The following CRB1 variants were observed in gnomAD, a reference collection of about 807,000 sequenced individuals.
CRB1 encodes protein crumbs homolog 1.
A neutral mutation model predicts 120.0 loss-of-function variants in CRB1; 83 were observed. The ratio of observed to expected loss-of-function variants is 0.69; its 90% CI spans 0.58 to 0.83. The LOEUF is 0.83. CRB1 is among the 40% of genes least tolerant of loss of function. The pLI is 0.00. For missense variants in CRB1, 1,699 were observed against 1,687.6 expected (o/e 1.01, Z -0.12); for synonymous variants, 625 against 612.5 (o/e 1.02, Z -0.30).
At chr1:197,427,406 T>G (rs754259147) in intron 6 of CRB1, 48 bp from the exon 7 acceptor site, 12 of 1,572,948 alleles carry the variant, frequency 7.6e-6, no homozygotes, top group Non-Finnish European at 9.6e-6. Context: ...TTTTGAGCCT[T>G]AAGATGTTTC....
At chr1:197,315,828 G>T (rs985893181) in intron 1 of CRB1, among the ~76,000 whole-genome samples, 3 of 152,138 alleles carry the variant, frequency 2.0e-5, no homozygotes, top group African/African-American at 7.2e-5. Flanking sequence ...CCTGAAAATG[G>T]CCAACACTTA....
chr1:197,202,382 C>T, the CRB1 span, among the ~76,000 whole-genome samples: 1 of 152,140 alleles, frequency 6.6e-6, no homozygotes, highest in African/African-American at 2.4e-5. Flanking sequence ...ACCTGTGAGA[C>T]TCATCCCACA....
the CRB1 span, among the ~76,000 whole-genome samples, chr1:197,216,341 C>A: frequency 6.6e-6 from 1 of 152,136 alleles, no homozygotes; most frequent in Non-Finnish European, 1.5e-5. Context: ...GGACAGAAGA[C>A]ATATTAATTC....
At chr1:197,401,125 T>C (rs2125432862) in intron 5 of CRB1, among the ~76,000 whole-genome samples, 1 of 152,290 alleles carries the variant, frequency 6.6e-6, no homozygotes, top group South Asian at 2.1e-4. Flanking sequence ...TTTAAGCATA[T>C]ATATAGCTAT....
intron 9 of CRB1, among the ~76,000 whole-genome samples, chr1:197,436,343 T>C (rs1489016390): frequency 6.6e-6 from 1 of 152,070 alleles, no homozygotes; most frequent in African/African-American, 2.4e-5. Flanking sequence ...ATTGTCTTCA[T>C]GTTGATTAGG....
intron 5 of CRB1, among the ~76,000 whole-genome samples, chr1:197,420,650 T>C (rs1166077839): frequency 1.3e-5 from 2 of 152,210 alleles, no homozygotes; most frequent in African/African-American, 2.4e-5. Context: ...ATAAATAAAT[T>C]GTATCTTACA....
At chr1:197,414,442 T>A (rs1571506069) in intron 5 of CRB1, among the ~76,000 whole-genome samples, 1 of 152,252 alleles carries the variant, frequency 6.6e-6, no homozygotes, top group South Asian at 2.1e-4. Flanking sequence ...TGATTTATTC[T>A]CAAGGAAATA....
chr1:197,450,141 T>C (rs1168564209), intron 11 of CRB1, among the ~76,000 whole-genome samples: 1 of 152,230 alleles, frequency 6.6e-6, no homozygotes, highest in Non-Finnish European at 1.5e-5. Flanking sequence ...TTTTTTGCTA[T>C]TCCATCTGGA....
At chr1:197,454,183 T>C (rs553866619) in intron 11 of CRB1, among the ~76,000 whole-genome samples, 259 of 151,636 alleles carry the variant, frequency 1.7e-3, no homozygotes, top group Non-Finnish European at 3.0e-3. Context: ...GTACAACAAT[T>C]GTGCCTACAG....
intron 1 of CRB1, among the ~76,000 whole-genome samples, chr1:197,297,143 T>C (rs1419439484): frequency 1.3e-5 from 2 of 151,828 alleles, no homozygotes; most frequent in Non-Finnish European, 2.9e-5. Flanking sequence ...CTGAATCTTG[T>C]GGCATGGGTC....
rs143740139 is a variant in CRB1 at position 197,304,562 on chromosome 1, G to A, written c.71-23860G>A. ...AGCCTTCATCCCACCCTCCACCTATGTGGTTTTCTATATTGTAGATTCTGG... is the reference window on the plus strand; with the variant it reads ...AGCCTTCATCCCACCCTCCACCTATATGGTTTTCTATATTGTAGATTCTGG... On this transcript the variant is annotated intron_variant, in intron 1 of 11. Coordinates refer to ENST00000367400, the MANE Select transcript of CRB1 (RefSeq NM_201253.3). 8.3e-3 allele frequency: 1,418 copies of A among 171,844 alleles called. 13 individuals carry two copies. The highest frequency in any genetic ancestry group is 0.012 in the Middle Eastern group (4 of 330). The allele number at this position is 171,844 out of a possible 1,614,324, so 10.6% of individuals were successfully genotyped here. A position where few individuals can be genotyped will look rare whatever the true frequency, so the allele number is the denominator to read the frequency against.
At chr1:197,254,502 C>T in the CRB1 span, among the ~76,000 whole-genome samples, 5 of 151,938 alleles carry the variant, frequency 3.3e-5, no homozygotes, top group East Asian at 3.9e-4. Context: ...TTTTTCATAT[C>T]GTCTCTCTTA....
At chr1:197,352,228 T>C (rs926827949) in intron 4 of CRB1, among the ~76,000 whole-genome samples, 5 of 152,380 alleles carry the variant, frequency 3.3e-5, no homozygotes, top group African/African-American at 9.6e-5. Context: ...CAGTCTTGAC[T>C]GAAGGAGTCT....
At chr1:197,211,904 T>C in the CRB1 span, among the ~76,000 whole-genome samples, 1 of 151,888 alleles carries the variant, frequency 6.6e-6, no homozygotes, top group Non-Finnish European at 1.5e-5. Flanking sequence ...AGAACTTACA[T>C]CTAGAATATA....
At chr1:197,391,340 T>C (rs1662495845) in intron 5 of CRB1, among the ~76,000 whole-genome samples, 2 of 152,102 alleles carry the variant, frequency 1.3e-5, no homozygotes, top group South Asian at 4.2e-4. Context: ...TCAACCAACT[T>C]TGATAGAGGG....
chr1:197,252,582 A>ATATATGTGTGTGTGTG, the CRB1 span, among the ~76,000 whole-genome samples: 26 of 15,500 alleles, frequency 1.7e-3, no homozygotes, highest in South Asian at 3.0e-3. Flanking sequence ...ATATATATAT[A>ATATATGTGTGTGTGTG]TGTGTGTGTG....
At chr1:197,247,850 T>G in the CRB1 span, among the ~76,000 whole-genome samples, 1 of 152,154 alleles carries the variant, frequency 6.6e-6, no homozygotes, top group Non-Finnish European at 1.5e-5. Context: ...CTTTGAAACC[T>G]TGGAACAACA....
chr1:197,458,471 A>C (rs762192449), intron 11 of CRB1, among the ~76,000 whole-genome samples: 1 of 152,082 alleles, frequency 6.6e-6, no homozygotes, highest in Non-Finnish European at 1.5e-5. Flanking sequence ...ACTCCCACCT[A>C]TTCATTGCCA....
chr1:197,455,940 A>C (rs1319615309), intron 11 of CRB1, among the ~76,000 whole-genome samples: 1 of 152,110 alleles, frequency 6.6e-6, no homozygotes, highest in Non-Finnish European at 1.5e-5. Flanking sequence ...TAAATATAAT[A>C]TCCAAAACCA....
Sources: allele counts gnomAD v4.1 joint callset (sites outside exome capture counted in the v4.1 genomes callset), GRCh38; gene constraint gnomAD v4.1.1; transcripts MANE v1.5; gene names NCBI Gene and HGNC (gene_info 2026-07-23, HGNC 2026-07-21).